UNC13A: variants seen among roughly 807,000 people sequenced by gnomAD.
The protein encoded by UNC13A is unc-13 homolog A, also known as protein unc-13 homolog A.
Under a neutral mutation model 219.7 loss-of-function variants are expected in UNC13A, and 61 were observed. The observed-to-expected ratio is 0.28, with a 90% CI of 0.23 to 0.34. UNC13A has a LOEUF of 0.34. UNC13A is among the 10% of genes least tolerant of loss of function. The pLI is 1.00. For missense variants in UNC13A, 1,476 were observed against 2,270.3 expected, an observed-to-expected ratio of 0.65 and a Z score of 7.11; for synonymous variants, 920 against 884.6, an observed-to-expected ratio of 1.04 and a Z score of -0.71.
At position 17,605,985 on chromosome 19, in the gene UNC13A, C is replaced by G. The variant is rs12974304; in HGVS notation, c.*69G>C. On this transcript the variant is annotated 3_prime_UTR_variant, in exon 44 of 44. Transcript: ENST00000519716. ...CGCCCCTGGGGAGGTCCCACCAAGG[C>G]GCAAGCCCCGTCCCTCCCCGCCCAG... The G allele has an allele frequency of 5.2e-6, 7 of 1,354,438 alleles. No individual in the cohort carries two copies. In the South Asian group the frequency reaches 5.2e-5, roughly 10 times the overall value. The allele number at this position is 1,354,438 out of a possible 1,614,324, so 83.9% of individuals were successfully genotyped here.
At chr19:17,644,438 C>A (rs1343031623) in intron 19 of UNC13A, among the ~76,000 whole-genome samples, 1 of 151,556 alleles carries the variant, frequency 6.6e-6, no homozygotes, top group Admixed American at 6.6e-5. Flanking sequence ...ACCCTCCCAG[C>A]TCAGCCACCC....
At chr19:17,621,047 C>T (rs1420973584) in intron 37 of UNC13A, among the ~76,000 whole-genome samples, 1 of 152,114 alleles carries the variant, frequency 6.6e-6, no homozygotes, top group East Asian at 1.9e-4. Flanking sequence ...CTGTCTCCTC[C>T]TCCATTCCCT....
chr19:17,668,006 G>C (rs980502204), intron 6 of UNC13A, 111 bp downstream of exon 6: 18 of 1,092,130 alleles, frequency 1.6e-5, no homozygotes, highest in Non-Finnish European at 2.4e-5. Flanking sequence ...GTTAGAAACA[G>C]AGATGCAGGG....
At chr19:17,681,069 C>CT (rs71929988) in intron 1 of UNC13A, among the ~76,000 whole-genome samples, 3,407 of 96,048 alleles carry the variant, frequency 0.035, 175 homozygotes, top group Admixed American at 0.076. Flanking sequence ...TTGGCTATTC[C>CT]TTTTTTTTTT....
At chr19:17,628,965 T>TCACA (rs148478994) in intron 31 of UNC13A, among the ~76,000 whole-genome samples, 21 of 149,362 alleles carry the variant, frequency 1.4e-4, no homozygotes, top group African/African-American at 4.4e-4. Flanking sequence ...GTGCACAGAC[T>TCACA]CACACACACA....
intron 20 of UNC13A, 131 bp from the exon 21 acceptor site, chr19:17,641,687 T>TTTTTTTTTTTTTTTTGAGACGGAGTCTCG: frequency 3.1e-6 from 3 of 956,058 alleles, no homozygotes; most frequent in Non-Finnish European, 3.1e-6. Flanking sequence ...TACTCTTTTA[T>TTTTTTTTTTTTTTTTGAGACGGAGTCTCG]CCATCCACAC....
chr19:17,645,996 G>A lies in UNC13A; in HGVS notation c.2160C>T (p.Asn720=), dbSNP rs750885155. ...AGTGGAAATTCTCCTCCCACACCGG[G>A]TTGAGGTTCCCATAGATGGTTTTTG... ...KRTKTIYGNL[N]PVWEENFHFE... is the part of the protein sequence containing the mutation. Residue 720 remains asparagine, a synonymous_variant, in exon 18 of 44, where the codon AAC becomes AAT. Transcript: ENST00000519716. 2 of 1,613,032 alleles carry A rather than the reference G, an allele frequency of 1.2e-6. No individual in the cohort carries two copies. The highest frequency in any genetic ancestry group is 4.5e-5 in the East Asian group (2 of 44,830).
intron 20 of UNC13A, 120 bp downstream of exon 20, chr19:17,642,725 A>G: frequency 1.2e-6 from 1 of 800,680 alleles, no homozygotes; most frequent in Non-Finnish European, 2.0e-6. Context: ...AGGGAATGGC[A>G]TGGCGGGCAG....
intron 8 of UNC13A, among the ~76,000 whole-genome samples, chr19:17,660,137 A>T (rs1280046899): frequency 6.6e-6 from 1 of 152,082 alleles, no homozygotes; most frequent in Non-Finnish European, 1.5e-5. Flanking sequence ...CCTGGGCTCA[A>T]GCGATCCTCC....
chr19:17,631,229 TC>T (rs1226056806), intron 28 of UNC13A, among the ~76,000 whole-genome samples: 2 of 104,828 alleles, frequency 1.9e-5, no homozygotes, highest in Non-Finnish European at 4.2e-5. Context: ...CCTTCTTCCT[TC>T]CTTCCTTCCT....
At chr19:17,636,861 C>T (rs1175864884) in intron 25 of UNC13A, among the ~76,000 whole-genome samples, 1 of 152,128 alleles carries the variant, frequency 6.6e-6, no homozygotes, top group Non-Finnish European at 1.5e-5. Flanking sequence ...TAACTCAAGA[C>T]AATTTAACCC....
chr19:17,631,821 T>G (rs891162523), intron 28 of UNC13A, among the ~76,000 whole-genome samples: 19 of 152,362 alleles, frequency 1.2e-4, no homozygotes, highest in African/African-American at 4.1e-4. Flanking sequence ...TTCCGCTTAC[T>G]GCAACCTCTG....
chr19:17,629,844 C>T (rs1372591829), intron 30 of UNC13A, among the ~76,000 whole-genome samples: 1 of 150,808 alleles, frequency 6.6e-6, no homozygotes, highest in Non-Finnish European at 1.5e-5. Flanking sequence ...GATCTCAACC[C>T]ACACCTCAAC....
intron 29 of UNC13A, 98 bp from the exon 30 acceptor site, chr19:17,630,386 A>T: frequency 6.7e-7 from 1 of 1,501,554 alleles, no homozygotes; most frequent in African/African-American, 1.4e-5. Flanking sequence ...CCAGAGACCA[A>T]TTTCCCCGGG....
intron 8 of UNC13A, among the ~76,000 whole-genome samples, chr19:17,662,232 C>A (rs1293398434): frequency 2.0e-5 from 3 of 150,074 alleles, no homozygotes; most frequent in African/African-American, 7.4e-5. Context: ...GGCAACAGAG[C>A]AAGACTCTGT....
chr19:17,647,560 G>C, intron 16 of UNC13A, 68 bp from the exon 17 acceptor site: 4 of 1,458,108 alleles, frequency 2.7e-6, no homozygotes, highest in Non-Finnish European at 3.7e-6. Flanking sequence ...CAAGGCGAGA[G>C]CCCCGCCCCT....
In UNC13A at chr19:17,623,553, A is replaced by G; in HGVS notation, c.4198-6T>C. On this transcript the variant is annotated splice_polypyrimidine_tract_variant and splice_region_variant and intron_variant, in intron 35 of 43. Coordinates refer to ENST00000519716, the MANE Select transcript of UNC13A (RefSeq NM_001080421.3). ...GGGACTCTACTTACGATCATCTGTC[A>G]TCCGTGATGGGGGCGGGGCGGTGGG... 8.1e-7 allele frequency: 1 copy of G among 1,236,584 alleles called. No homozygotes were observed. Among genetic ancestry groups the G allele is most frequent in the Non-Finnish European group, 1.1e-6 (1 of 914,632 alleles). 76.6% of individuals were successfully genotyped at this position (1,236,584 alleles called of 1,614,324 possible).
chr19:17,615,539 C>T (rs1223859446), intron 41 of UNC13A, among the ~76,000 whole-genome samples: 1 of 152,108 alleles, frequency 6.6e-6, no homozygotes, highest in South Asian at 2.1e-4. Flanking sequence ...ATTAGCCAGG[C>T]GTGGTGGTGC....
rs1400353250 is a variant in UNC13A, at chr19:17,656,283, C to G, written c.883G>C (p.Glu295Gln). 6.4e-7 allele frequency: 1 copy of G among 1,552,546 alleles called. No homozygotes were observed. Among genetic ancestry groups the G allele is most frequent in the Non-Finnish European group, 8.7e-7 (1 of 1,147,616 alleles). The change falls in exon 10 of 44, where the codon GAG becomes CAG. Residue 295 changes from glutamate to glutamine, a missense_variant. Glu to Gln is a conservative substitution (Grantham distance 29, BLOSUM62 2). Transcript: ENST00000519716. ...HSLQGSDMEDERDRDSYHSCH... is the reference protein window; with the variant it reads ...HSLQGSDMEDQRDRDSYHSCH... ...GAGTGGTAGGAGTCCCGGTCCCGCT[C>G]ATCCTCCATGTCGGAGCCCTGCAGG...
Sources: allele counts gnomAD v4.1 joint callset (sites outside exome capture counted in the v4.1 genomes callset), GRCh38; gene constraint gnomAD v4.1.1; transcripts MANE v1.5; gene names NCBI Gene and HGNC (gene_info 2026-07-23, HGNC 2026-07-21).